SLC44A5: variants seen among roughly 807,000 people sequenced by gnomAD.
SLC44A5 encodes the protein solute carrier family 44 member 5.
A neutral mutation model predicts 101.8 loss-of-function variants in SLC44A5; 57 were observed. That is an observed-to-expected ratio of 0.56 (90% CI 0.45 to 0.70). The LOEUF is 0.70. Ranked by LOEUF, SLC44A5 falls within the 30% of genes least tolerant of loss-of-function variation. The pLI, the probability that SLC44A5 is intolerant of heterozygous loss-of-function variation, is 0.00. For missense variants in SLC44A5, 737 were observed against 853.1 expected, an observed-to-expected ratio of 0.86 and a Z score of 1.70; for synonymous variants, 281 against 290.9, an observed-to-expected ratio of 0.97 and a Z score of 0.35.
At chr1:75,254,030 C>T (rs534012964) in intron 6 of SLC44A5, among the ~76,000 whole-genome samples, 7 of 152,090 alleles carry the variant, frequency 4.6e-5, no homozygotes, top group Non-Finnish European at 1.0e-4. Context: ...TCTCAAATTT[C>T]AGGGGACCAC....
chr1:75,592,083 T>C (rs2102113234), intron 1 of SLC44A5, among the ~76,000 whole-genome samples: 1 of 152,226 alleles, frequency 6.6e-6, no homozygotes, highest in East Asian at 1.9e-4. Flanking sequence ...AAGGAAGAAG[T>C]CAAATTATCC....
chr1:75,413,912 T>C lies in SLC44A5; in HGVS notation c.14-17291A>G, dbSNP rs996775863. On this transcript the variant is annotated intron_variant, in intron 2 of 23. Coordinates refer to ENST00000370859, the MANE Select transcript of SLC44A5 (RefSeq NM_001130058.2). ...ATTCTCCCTAGCTTTCCACCACATG[T>C]GGCCAGTCTTGCTTTTCTTCCCTTG... 6.4e-4 allele frequency among the ~76,000 whole-genome samples: 98 copies of C among 152,200 alleles called. 1 individual carries two copies. The highest frequency in any genetic ancestry group is 3.2e-3 in the Middle Eastern group (1 of 316).
intron 14 of SLC44A5, among the ~76,000 whole-genome samples, chr1:75,222,150 T>A (rs2100512992): frequency 6.6e-6 from 1 of 152,138 alleles, no homozygotes; most frequent in East Asian, 1.9e-4. Context: ...GAGACGGGGT[T>A]TCTCCATGTT....
At chr1:75,555,668 C>G (rs1439727005) in intron 1 of SLC44A5, among the ~76,000 whole-genome samples, 10 of 151,636 alleles carry the variant, frequency 6.6e-5, no homozygotes, top group African/African-American at 2.2e-4. Context: ...TAATAAGACA[C>G]AATACCAATT....
chr1:75,329,580 A>C (rs1479739562), intron 4 of SLC44A5, among the ~76,000 whole-genome samples: 2 of 152,234 alleles, frequency 1.3e-5, no homozygotes, highest in East Asian at 3.9e-4. Context: ...TATTGGGAGC[A>C]TAGTCTGTGT....
chr1:75,602,363 A>G (rs1557952228), intron 1 of SLC44A5, among the ~76,000 whole-genome samples: 1 of 152,152 alleles, frequency 6.6e-6, no homozygotes, highest in African/African-American at 2.4e-5. Flanking sequence ...GTTGGTGTGT[A>G]GGAAGTGTGA....
At chr1:75,596,829 C>T (rs1340053210) in intron 1 of SLC44A5, among the ~76,000 whole-genome samples, 1 of 152,002 alleles carries the variant, frequency 6.6e-6, no homozygotes, top group Non-Finnish European at 1.5e-5. Flanking sequence ...TACAACAAAC[C>T]CACAGTCAGC....
chr1:75,488,023 A>G (rs1458016354), intron 2 of SLC44A5, among the ~76,000 whole-genome samples: 1 of 152,216 alleles, frequency 6.6e-6, no homozygotes, highest in Non-Finnish European at 1.5e-5. Flanking sequence ...CAGGGGATCT[A>G]CGTTGTATGC....
At chr1:75,373,662 G>C (rs1271598557) in intron 3 of SLC44A5, among the ~76,000 whole-genome samples, 1 of 152,154 alleles carries the variant, frequency 6.6e-6, no homozygotes, top group African/African-American at 2.4e-5. Context: ...GGGCACATCT[G>C]ATCCACACGC....
chr1:75,485,609 C>T (rs1363099651), intron 2 of SLC44A5, among the ~76,000 whole-genome samples: 1 of 152,190 alleles, frequency 6.6e-6, no homozygotes, highest in Non-Finnish European at 1.5e-5. Context: ...CCAACCTCTG[C>T]CTGCTTCCCA....
intron 2 of SLC44A5, among the ~76,000 whole-genome samples, chr1:75,431,756 A>C (rs915793497): frequency 6.6e-6 from 1 of 152,210 alleles, no homozygotes; most frequent in African/African-American, 2.4e-5. Flanking sequence ...CATAGCAAAA[A>C]CTAAGCAATA....
At chr1:75,316,064 C>T (rs903009979) in intron 4 of SLC44A5, among the ~76,000 whole-genome samples, 1 of 152,208 alleles carries the variant, frequency 6.6e-6, no homozygotes, top group Non-Finnish European at 1.5e-5. Context: ...TTATACAATA[C>T]ATAACTTGAC....
chr1:75,641,861 A>G, the SLC44A5 span: 10 of 1,518,938 alleles, frequency 6.6e-6, no homozygotes, highest in African/African-American at 1.4e-4. Context: ...TTCAAATACC[A>G]CTACTGTGAT....
chr1:75,427,330 C>T (rs1570246718), intron 2 of SLC44A5, among the ~76,000 whole-genome samples: 1 of 152,142 alleles, frequency 6.6e-6, no homozygotes, highest in African/African-American at 2.4e-5. Flanking sequence ...ATTTATTTCT[C>T]CTAAACAAAT....
the SLC44A5 span, among the ~76,000 whole-genome samples, chr1:75,667,255 G>A: frequency 1.1e-4 from 16 of 152,194 alleles, no homozygotes; most frequent in Non-Finnish European, 1.5e-4. Flanking sequence ...AAATCAATGC[G>A]TGAAAATCAC....
chr1:75,281,282 G>T (rs142875409), intron 5 of SLC44A5, among the ~76,000 whole-genome samples: 1 of 152,098 alleles, frequency 6.6e-6, no homozygotes, highest in African/African-American at 2.4e-5. Context: ...CTTTAGCAAG[G>T]AGAATGGCAG....
chr1:75,563,595 A>G (rs6695604), intron 1 of SLC44A5, among the ~76,000 whole-genome samples: 57,740 of 151,948 alleles, frequency 0.38, 11,552 homozygotes, highest in Non-Finnish European at 0.46. Flanking sequence ...AATAAATTAT[A>G]CAGATAGCTA....
chr1:75,491,123 G>T lies in SLC44A5; in HGVS notation c.13+50312C>A, dbSNP rs549022278. On this transcript the variant is annotated intron_variant, in intron 2 of 23. Transcript: ENST00000370859. ...CTCTCCAGGGATTGGCTTAGTCAGG[G>T]TTTGTGACCTAACCCTGGCAAATGA... Among the ~76,000 whole-genome samples, 20 of 152,208 alleles carry T rather than the reference G, an allele frequency of 1.3e-4. No homozygotes were observed. The South Asian group carries it at 1.7e-3, about 13-fold the overall frequency.
intron 1 of SLC44A5, among the ~76,000 whole-genome samples, chr1:75,556,130 G>T (rs78253919): frequency 0.025 from 3,778 of 152,116 alleles, 181 homozygotes; most frequent in African/African-American, 0.087. Flanking sequence ...CAGAGGTGAT[G>T]ATATAGTTAT....
Sources: gnomAD v4.1 joint callset for allele counts (sites outside exome capture counted in the v4.1 genomes callset) on GRCh38, gnomAD v4.1.1 for gene constraint, MANE v1.5 for transcripts, NCBI Gene and HGNC (gene_info 2026-07-23, HGNC 2026-07-21) for gene names.